Variants in HYDIN observed in about 807,000 individuals in gnomAD.
HYDIN encodes HYDIN axonemal central pair apparatus protein, also known as axonemal central pair apparatus protein HYDIN.
In HYDIN, 132 loss-of-function variants were observed where a neutral mutation model predicts 403.9. The observed-to-expected ratio is 0.33, with a 90% CI of 0.28 to 0.38. HYDIN has a LOEUF of 0.38. Among genes scored for constraint, HYDIN ranks in the 10% least tolerant of loss-of-function variants. The pLI is 1.00. For missense variants in HYDIN, 2,827 were observed against 5,009.5 expected, an observed-to-expected ratio of 0.56 and a Z score of 13.15; for synonymous variants, 1,202 against 1,891.7, an observed-to-expected ratio of 0.64 and a Z score of 9.46.
At chr16:71,055,880 A>T (rs1408106292) in intron 18 of HYDIN, among the ~76,000 whole-genome samples, 1 of 152,144 alleles carries the variant, frequency 6.6e-6, no homozygotes, top group Non-Finnish European at 1.5e-5. Flanking sequence ...AGATGCTTCC[A>T]AACAAGTGCC....
chr16:71,057,537 T>C (rs1347365744), intron 18 of HYDIN, among the ~76,000 whole-genome samples: 3 of 152,206 alleles, frequency 2.0e-5, no homozygotes. Flanking sequence ...AACTAAATGT[T>C]AGTTCTCATC....
At chr16:71,227,923 A>G (rs2041111637) in intron 1 of HYDIN, among the ~76,000 whole-genome samples, 2 of 152,338 alleles carry the variant, frequency 1.3e-5, no homozygotes, top group South Asian at 4.1e-4. Context: ...CTACAAGGCT[A>G]CAGTAACCAA....
intron 18 of HYDIN, among the ~76,000 whole-genome samples, chr16:71,049,217 C>A (rs529111713): frequency 6.6e-6 from 1 of 152,196 alleles, no homozygotes; most frequent in African/African-American, 2.4e-5. Flanking sequence ...CGAAAATGAT[C>A]CTGCAGGAAG....
chr16:71,137,435 T>C, intron 7 of HYDIN, 83 bp from the exon 8 acceptor site: 1 of 577,504 alleles, frequency 1.7e-6, no homozygotes, highest in South Asian at 2.1e-5. Flanking sequence ...AAGCTGAAGT[T>C]AGGCAAAATA....
At chr16:70,815,393 T>C (rs2035773867) in intron 84 of HYDIN, among the ~76,000 whole-genome samples, 1 of 148,742 alleles carries the variant, frequency 6.7e-6, no homozygotes, top group Non-Finnish European at 1.5e-5. Flanking sequence ...GGTGTCAGAG[T>C]GAGATCCTGT....
At chr16:70,970,997 A>T (rs2078716211) in intron 35 of HYDIN, among the ~76,000 whole-genome samples, 1 of 152,224 alleles carries the variant, frequency 6.6e-6, no homozygotes, top group East Asian at 1.9e-4. Flanking sequence ...GCATTCTAGC[A>T]CTTGTACCAA....
At position 70,879,366 on chromosome 16, in the gene HYDIN, C is replaced by A; in HGVS notation, c.10488G>T (p.Lys3496Asn). The change falls in exon 62 of 86, where the codon AAG becomes AAT. Residue 3496 changes from lysine to asparagine, a missense_variant. By Grantham distance (94) the Lys-to-Asn change is moderately conservative. Transcript: ENST00000393567. ...TCTCTGAATGACCAAGGAGAAGCCT[C>A]TTAAAGAGGAGCAAGGGGTTTCCAT... ...NQYGNPLLLF[K>N]RLLLGHSEKL... 3 of 1,561,858 alleles carry A rather than the reference C, an allele frequency of 1.9e-6. No individual in the cohort carries two copies. Among genetic ancestry groups the A allele is most frequent in the Non-Finnish European group, 2.6e-6 (3 of 1,135,506 alleles).
chr16:71,221,866 A>G (rs1227908470), intron 1 of HYDIN, among the ~76,000 whole-genome samples: 1 of 152,216 alleles, frequency 6.6e-6, no homozygotes, highest in Non-Finnish European at 1.5e-5. Flanking sequence ...GTGAACTATA[A>G]CCTAAATGAA....
chr16:70,880,341 A>G (rs1420168203), intron 60 of HYDIN, among the ~76,000 whole-genome samples: 1 of 139,892 alleles, frequency 7.1e-6, no homozygotes, highest in African/African-American at 2.9e-5. Context: ...TTACAGGTGT[A>G]AGCCGCCGTG....
intron 50 of HYDIN, among the ~76,000 whole-genome samples, chr16:70,904,845 CT>C (rs1202916538): frequency 6.6e-6 from 1 of 151,040 alleles, no homozygotes; most frequent in African/African-American, 2.4e-5. Flanking sequence ...TAGAGATGAC[CT>C]CATTCACCTC....
Position 70,809,339 on chromosome 16 carries a change from G to A in HYDIN, c.14883+444C>T, listed in dbSNP as rs75989163. ...TAGATACATATTTAAAATCCTTATA[G>A]CAATCCTGCAAGGTTGGGGGTATTA... is the stretch of plus-strand genomic sequence containing the variant. On this transcript the variant is annotated intron_variant, in intron 85 of 85. Coordinates refer to ENST00000393567, the MANE Select transcript of HYDIN (RefSeq NM_001270974.2). 1.3e-3 allele frequency among the ~76,000 whole-genome samples: 193 copies of A among 152,292 alleles called. 3 individuals are homozygous for A. Among genetic ancestry groups the A allele is most frequent in the Admixed American group, 0.01 (157 of 15,298 alleles).
intron 40 of HYDIN, among the ~76,000 whole-genome samples, chr16:70,954,681 G>C (rs1458856495): frequency 6.6e-6 from 1 of 152,076 alleles, no homozygotes. Flanking sequence ...GGGTTGGCCG[G>C]CCCAGGCCCA....
intron 45 of HYDIN, among the ~76,000 whole-genome samples, chr16:70,923,756 G>T (rs1015453704): frequency 1.1e-4 from 17 of 148,976 alleles, no homozygotes; most frequent in Non-Finnish European, 2.1e-4. Context: ...GGGAGGCAGA[G>T]CTTGCAGTGA....
intron 18 of HYDIN, among the ~76,000 whole-genome samples, chr16:71,036,855 T>C (rs563999133): frequency 6.6e-5 from 10 of 152,342 alleles, no homozygotes; most frequent in African/African-American, 2.4e-4. Flanking sequence ...CTTTTAGGGC[T>C]ATCCTTTGCT....
intron 7 of HYDIN, among the ~76,000 whole-genome samples, chr16:71,150,676 G>A (rs1426764357): frequency 7.9e-5 from 12 of 151,678 alleles, no homozygotes; most frequent in Admixed American, 4.6e-4. Context: ...GGCAAAAAGT[G>A]TTAATCTTGT....
At chr16:71,123,374 AG>A (rs2084331655) in intron 9 of HYDIN, among the ~76,000 whole-genome samples, 1 of 151,532 alleles carries the variant, frequency 6.6e-6, no homozygotes, top group Admixed American at 6.6e-5. Context: ...TCTTTTCCAA[AG>A]GGGAAAAAAA....
chr16:70,844,688 C>T (rs1416167305), intron 75 of HYDIN, among the ~76,000 whole-genome samples: 1 of 139,238 alleles, frequency 7.2e-6, no homozygotes, highest in Non-Finnish European at 1.5e-5. Context: ...ATGGAATGTT[C>T]TTCCATTTGT....
At chr16:71,028,700 T>C (rs2080802554) in intron 19 of HYDIN, among the ~76,000 whole-genome samples, 1 of 152,046 alleles carries the variant, frequency 6.6e-6, no homozygotes, top group Non-Finnish European at 1.5e-5. Context: ...GGAAATGACA[T>C]CATGCCTGGT....
intron 11 of HYDIN, chr16:71,093,552 G>A (rs1203760813): frequency 4.3e-6 from 1 of 233,076 alleles, no homozygotes; most frequent in African/African-American, 2.3e-5. Context: ...AAAACAATGA[G>A]GATAAAACCA....
Sources: gnomAD v4.1 joint callset for allele counts (sites outside exome capture counted in the v4.1 genomes callset) on GRCh38, gnomAD v4.1.1 for gene constraint, MANE v1.5 for transcripts, NCBI Gene and HGNC (gene_info 2026-07-23, HGNC 2026-07-21) for gene names.